The following IQSEC1 variants were observed in gnomAD, a reference collection of about 807,000 sequenced individuals.
IQSEC1 encodes the protein IQ motif and Sec7 domain ArfGEF 1.
A neutral mutation model predicts 91.0 loss-of-function variants in IQSEC1; 31 were observed. The observed-to-expected ratio is 0.34, with a 90% CI of 0.26 to 0.46. IQSEC1 has a LOEUF of 0.46. IQSEC1 is among the 20% of genes least tolerant of loss of function. The pLI is 1.00. For missense variants in IQSEC1, 1,388 were observed against 1,575.6 expected (o/e 0.88, Z 2.02); for synonymous variants, 699 against 662.6 (o/e 1.05, Z -0.84).
intron 1 of IQSEC1, among the ~76,000 whole-genome samples, chr3:13,067,317 A>G (rs981316204): frequency 1.3e-5 from 2 of 152,190 alleles, no homozygotes; most frequent in South Asian, 2.1e-4. Context: ...AGCAGGCTCT[A>G]AGGTAAGCCT....
chr3:13,101,419 C>CAAAAAAAAAAAAAAA (rs5846799), intron 2 of IQSEC1, among the ~76,000 whole-genome samples: 2 of 119,480 alleles, frequency 1.7e-5, no homozygotes, highest in African/African-American at 3.3e-5. Context: ...ATTCCATCTC[C>CAAAAAAAAAAAAAAA]AAAAAAAAAA....
At chr3:13,144,936 TG>T (rs1322697912) in intron 2 of IQSEC1, among the ~76,000 whole-genome samples, 1 of 152,208 alleles carries the variant, frequency 6.6e-6, no homozygotes, top group Non-Finnish European at 1.5e-5. Flanking sequence ...GCGAGGTCCC[TG>T]AGATGTACTG....
chr3:13,167,376 T>C (rs920935575), intron 1 of IQSEC1, among the ~76,000 whole-genome samples: 1 of 152,194 alleles, frequency 6.6e-6, no homozygotes, highest in Non-Finnish European at 1.5e-5. Flanking sequence ...TATCCACCAC[T>C]GTGGGAAGCT....
chr3:13,052,923 C>T, intron 1 of IQSEC1: 1 of 886,348 alleles, frequency 1.1e-6, no homozygotes, highest in Non-Finnish European at 1.9e-6. Flanking sequence ...ATGATTGTGA[C>T]CTTGAGACAG....
At chr3:13,093,344 C>G (rs1349243802) in intron 2 of IQSEC1, among the ~76,000 whole-genome samples, 1 of 152,120 alleles carries the variant, frequency 6.6e-6, no homozygotes, top group Non-Finnish European at 1.5e-5. Flanking sequence ...GGGATGCATG[C>G]TCCTCCAGCA....
chr3:13,012,933 A>G lies in IQSEC1; in HGVS notation c.23+60059T>C, dbSNP rs1222409628. Among the ~76,000 whole-genome samples, 7 of 149,720 alleles carry G rather than the reference A, an allele frequency of 4.7e-5. No homozygotes were observed. In the East Asian group the frequency reaches 1.4e-3, roughly 29 times the overall value. Reference sequence around the variant, plus strand: ...CCCAAGGTCACATAGCTACGAAAGCAGTGGAACAGAAACTCCCATGAAAGT... The same window carrying G: ...CCCAAGGTCACATAGCTACGAAAGCGGTGGAACAGAAACTCCCATGAAAGT... On this transcript the variant is annotated intron_variant, in intron 1 of 13. Transcript: ENST00000613206.
intron 1 of IQSEC1, among the ~76,000 whole-genome samples, chr3:13,056,647 C>T (rs1403878751): frequency 6.6e-6 from 1 of 152,020 alleles, no homozygotes; most frequent in Non-Finnish European, 1.5e-5. Context: ...TAACGTCCCG[C>T]ACCACCCATA....
chr3:13,102,184 G>A (rs577667423), intron 2 of IQSEC1, among the ~76,000 whole-genome samples: 1 of 152,068 alleles, frequency 6.6e-6, no homozygotes, highest in Non-Finnish European at 1.5e-5. Flanking sequence ...AGGCTGAGGT[G>A]GAAGGATTGC....
In IQSEC1 at chr3:12,992,420, T is replaced by G. The variant is rs1702032248; in HGVS notation, c.24-50555A>C. Reference sequence around the variant, plus strand: ...TTAAATCTGGTTTCTGGGCTCTAATTGCACATGGCTTCAGCAGCCTGGCCA... The same window carrying G: ...TTAAATCTGGTTTCTGGGCTCTAATGGCACATGGCTTCAGCAGCCTGGCCA... On this transcript the variant is annotated intron_variant, in intron 1 of 13. Coordinates refer to ENST00000613206, the MANE Select transcript of IQSEC1 (RefSeq NM_001134382.3). The surrounding 1 kb of genome is among the most constrained non-coding windows in gnomAD (Gnocchi z 4.1). Among the ~76,000 whole-genome samples the G allele has an allele frequency of 6.6e-6, 1 of 152,104 alleles. No individual in the cohort carries two copies. Among genetic ancestry groups the G allele is most frequent in the Non-Finnish European group, 1.5e-5 (1 of 68,002 alleles).
intron 1 of IQSEC1, among the ~76,000 whole-genome samples, chr3:13,026,875 T>TG (rs201790791): frequency 9.0e-5 from 5 of 55,300 alleles, no homozygotes; most frequent in East Asian, 7.3e-4. Flanking sequence ...TTTTTTTTTT[T>TG]TTTGTTTGTT....
chr3:12,935,386 C>T lies in IQSEC1; in HGVS notation c.1568+62G>A. Reference sequence around the variant, plus strand: ...CGTGCTTGGAAGGATGCAGCCACGCCCACCCGCCAAGGCCCAGCAAGCCAC... The same window carrying T: ...CGTGCTTGGAAGGATGCAGCCACGCTCACCCGCCAAGGCCCAGCAAGCCAC... On this transcript the variant is annotated intron_variant, in intron 3 of 13. Transcript: ENST00000613206. This position sits in a 1 kb window ranked among gnomAD's most constrained non-coding sequence, Gnocchi z 8.0. 8.6e-6 allele frequency: 13 copies of T among 1,517,434 alleles called. No homozygotes were observed. The highest frequency in any genetic ancestry group is 1.2e-5 in the Non-Finnish European group (13 of 1,113,680). The allele number at this position is 1,517,434 out of a possible 1,614,324, so 94.0% of individuals were successfully genotyped here. A position where few individuals can be genotyped will look rare whatever the true frequency, so the allele number is the denominator to read the frequency against.
intron 1 of IQSEC1, among the ~76,000 whole-genome samples, chr3:13,210,025 G>C (rs1385564774): frequency 1.3e-5 from 2 of 152,168 alleles, no homozygotes; most frequent in African/African-American, 2.4e-5. Context: ...CTCACTGTGT[G>C]ACCTTGAGCA....
chr3:12,979,131 A>G lies in IQSEC1; in HGVS notation c.24-37266T>C, dbSNP rs1701335691. ...TTCCCAACAACCACATAGCACCTGT[A>G]TACATTCCAATTACTTAACGCTCTT... On this transcript the variant is annotated intron_variant, in intron 1 of 13. Transcript: ENST00000613206. The surrounding 1 kb of genome is among the most constrained non-coding windows in gnomAD (Gnocchi z 4.3). Among the ~76,000 whole-genome samples, 1 of 152,234 alleles carries G rather than the reference A, an allele frequency of 6.6e-6. No homozygotes were observed. The highest frequency in any genetic ancestry group is 2.1e-4 in the South Asian group (1 of 4,832).
rs1460416842 is a variant in IQSEC1, at chr3:13,214,525, T to C, written c.273-50392A>G. Among the ~76,000 whole-genome samples the C allele has an allele frequency of 6.6e-6, 1 of 152,256 alleles. No individual in the cohort carries two copies. The highest frequency in any genetic ancestry group is 1.9e-4 in the East Asian group (1 of 5,200). On this transcript the variant is annotated intron_variant, in intron 1 of 15. Coordinates refer to the IQSEC1 transcript ENST00000648114. The surrounding 1 kb of genome is among the most constrained non-coding windows in gnomAD (Gnocchi z 4.5). ...AAATGGGAAACTCCCTTTCATGGCC[T>C]CCATTGCACGTGGGTGCAGCCTGGG... is the stretch of plus-strand genomic sequence containing the variant.
chr3:13,215,225 A>C (rs1312133130), intron 1 of IQSEC1, among the ~76,000 whole-genome samples: 1 of 151,842 alleles, frequency 6.6e-6, no homozygotes, highest in African/African-American at 2.4e-5. Context: ...TTTCCAAATA[A>C]ACCAGCGGCC....
chr3:12,912,896 G>A (rs1695706175), intron 9 of IQSEC1, among the ~76,000 whole-genome samples: 1 of 152,206 alleles, frequency 6.6e-6, no homozygotes, highest in Non-Finnish European at 1.5e-5. Flanking sequence ...CATAGGTCTT[G>A]CAGGGACCAG....
chr3:12,950,735 G>C (rs562918224), intron 1 of IQSEC1, among the ~76,000 whole-genome samples: 1 of 148,780 alleles, frequency 6.7e-6, no homozygotes, highest in Non-Finnish European at 1.5e-5. Flanking sequence ...CTTCACCCCC[G>C]GGGTTCATGC....
At chr3:12,999,123 G>A (rs1331817418) in intron 1 of IQSEC1, among the ~76,000 whole-genome samples, 2 of 152,184 alleles carry the variant, frequency 1.3e-5, no homozygotes, top group Non-Finnish European at 2.9e-5. Flanking sequence ...CTAAGAGCCT[G>A]CTGTGGCACT....
At chr3:13,148,361 C>A (rs1447953220) in intron 2 of IQSEC1, among the ~76,000 whole-genome samples, 1 of 152,134 alleles carries the variant, frequency 6.6e-6, no homozygotes, top group East Asian at 1.9e-4. Flanking sequence ...AAGCCCGGCA[C>A]AGCCCGCCTC....
Sources: allele counts gnomAD v4.1 joint callset (sites outside exome capture counted in the v4.1 genomes callset), GRCh38; gene constraint gnomAD v4.1.1; non-coding constraint Gnocchi (gnomAD v3.1); transcripts MANE v1.5; gene names NCBI Gene and HGNC (gene_info 2026-07-23, HGNC 2026-07-21).